CTNND2: variants seen among roughly 807,000 people sequenced by gnomAD.
The protein encoded by CTNND2 is catenin delta 2, also known as catenin delta-2.
Under a neutral mutation model 144.4 loss-of-function variants are expected in CTNND2, and 22 were observed. The ratio of observed to expected loss-of-function variants is 0.15; its 90% confidence interval spans 0.11 to 0.22. The LOEUF is 0.22. Among genes scored for constraint, CTNND2 ranks in the 10% least tolerant of loss-of-function variants. The pLI is 1.00. For synonymous variants in CTNND2, 751 were observed against 695.6 expected (o/e 1.08, Z -1.25); for missense variants, 1,353 against 1,618.8 (o/e 0.84, Z 2.82).
chr5:11,418,136 G>A (rs1208627869), intron 3 of CTNND2, among the ~76,000 whole-genome samples: 1 of 152,060 alleles, frequency 6.6e-6, no homozygotes, highest in African/African-American at 2.4e-5. Context: ...GCCGGGCGTG[G>A]TGGCTCACTC....
Position 11,406,845 on chromosome 5 carries a change from A to G in CTNND2, c.439+4691T>C, listed in dbSNP as rs555918858. On this transcript the variant is annotated intron_variant, in intron 5 of 21. Transcript: ENST00000304623. ...ATATGTACTTTTTTTTAACCATAAC[A>G]CTCAGAATATATTAGCTCTGAAGAT... is the stretch of plus-strand genomic sequence containing the variant. Among the ~76,000 whole-genome samples the G allele has an allele frequency of 7.2e-5, 11 of 152,142 alleles. No individual in the cohort carries two copies. In the South Asian group the frequency reaches 1.9e-3, roughly 26 times the overall value.
At position 11,384,904 on chromosome 5, in the gene CTNND2, G is replaced by A. The variant is rs780231998; in HGVS notation, c.938C>T (p.Thr313Ile). Reference protein sequence around the residue: ...SPSRLAKSYSTSSPINIVVSS... With the variant: ...SPSRLAKSYSISSPINIVVSS... ...CACGACGATGTTGATGGGCGAGCTG[G>A]TGCTGTAGGACTTGGCCAGGCGGCT... The change falls in exon 7 of 22, where the codon ACC (threonine) becomes ATC (isoleucine). Residue 313 changes from threonine (T) to isoleucine (I), a missense_variant. Transcript: ENST00000304623. This position sits in a 1 kb window ranked among gnomAD's most constrained non-coding sequence, Gnocchi z 5.2. The A allele has an allele frequency of 3.7e-6, 6 of 1,609,234 alleles. No individual in the cohort carries two copies. The highest frequency in any genetic ancestry group is 5.1e-6 in the Non-Finnish European group (6 of 1,178,658).
At chr5:11,736,681 A>T (rs1787700287) in intron 1 of CTNND2, among the ~76,000 whole-genome samples, 1 of 152,186 alleles carries the variant, frequency 6.6e-6, no homozygotes, top group Non-Finnish European at 1.5e-5. Context: ...TCTTAATCAC[A>T]GCTAATCTAC....
At chr5:11,200,679 T>A (rs919667462) in intron 10 of CTNND2, among the ~76,000 whole-genome samples, 3 of 152,132 alleles carry the variant, frequency 2.0e-5, no homozygotes, top group Admixed American at 2.0e-4. Flanking sequence ...CTTTCTTTTC[T>A]TTTTTCTTTT....
rs1422233722 is a variant in CTNND2, at chr5:11,879,706, C to T, written c.37+24111G>A. ...TTTACTAATAAAAACTATAGGTTCG[C>T]AAAGAGTAGCTCTCAAAATGAAAGT... On this transcript the variant is annotated intron_variant, in intron 1 of 21. Transcript: ENST00000304623. Among the ~76,000 whole-genome samples, 7 of 152,098 alleles carry T rather than the reference C, an allele frequency of 4.6e-5. No homozygotes were observed. The South Asian group carries it at 1.5e-3, about 32-fold the overall frequency.
intron 11 of CTNND2, among the ~76,000 whole-genome samples, chr5:11,192,027 C>T (rs566374285): frequency 2.6e-5 from 4 of 152,288 alleles, no homozygotes; most frequent in African/African-American, 4.8e-5. Flanking sequence ...GATAACAAGT[C>T]CCCCTTTCCA....
intron 1 of CTNND2, among the ~76,000 whole-genome samples, chr5:11,733,011 G>A (rs1787478874): frequency 6.6e-6 from 1 of 152,144 alleles, no homozygotes; most frequent in Non-Finnish European, 1.5e-5. Flanking sequence ...CCTGGAAAGT[G>A]GCACATCGGG....
At chr5:11,886,306 CT>C (rs1560969142) in intron 1 of CTNND2, among the ~76,000 whole-genome samples, 1 of 151,930 alleles carries the variant, frequency 6.6e-6, no homozygotes, top group African/African-American at 2.4e-5. Context: ...CCAAATAGTA[CT>C]TTGTTTATCT....
chr5:11,485,509 AT>A (rs1248011738), intron 3 of CTNND2, among the ~76,000 whole-genome samples: 1 of 152,266 alleles, frequency 6.6e-6, no homozygotes, highest in Non-Finnish European at 1.5e-5. Flanking sequence ...GAAAAAGAAA[AT>A]CAGCTATCAA....
chr5:11,374,256 A>G (rs1757712548), intron 7 of CTNND2, among the ~76,000 whole-genome samples: 1 of 152,214 alleles, frequency 6.6e-6, no homozygotes, highest in Non-Finnish European at 1.5e-5. Context: ...GGAGTGATTG[A>G]AATTTTGAAT....
intron 1 of CTNND2, among the ~76,000 whole-genome samples, chr5:11,772,567 A>G (rs745410434): frequency 6.6e-6 from 1 of 152,198 alleles, no homozygotes; most frequent in Non-Finnish European, 1.5e-5. Context: ...TTAATGGTGA[A>G]GAACTTTGAT....
intron 9 of CTNND2, among the ~76,000 whole-genome samples, chr5:11,266,865 A>G (rs934574047): frequency 1.3e-5 from 2 of 152,178 alleles, no homozygotes; most frequent in Non-Finnish European, 2.9e-5. Context: ...CCACAAATGC[A>G]AAGAGACGAC....
intron 3 of CTNND2, among the ~76,000 whole-genome samples, chr5:11,525,181 C>T (rs932468732): frequency 6.6e-6 from 1 of 152,118 alleles, no homozygotes; most frequent in African/African-American, 2.4e-5. Flanking sequence ...TGCAGCCAAA[C>T]ATCCATGCTT....
rs61755469 is a variant in CTNND2 at position 11,447,083 on chromosome 5, A to G, written c.288-35014T>C. Among the ~76,000 whole-genome samples the G allele has an allele frequency of 3.8e-3, 571 of 152,256 alleles. 7 individuals are homozygous for G. The highest frequency in any genetic ancestry group is 0.013 in the African/African-American group (547 of 41,542). ...AACAACAACAACAAAAGTCCCTTCT[A>G]TAAGACACCTTATCTGTCAGGCGGC... On this transcript the variant is annotated intron_variant, in intron 3 of 21. Transcript: ENST00000304623.
chr5:11,050,530 G>C (rs1010169597), intron 16 of CTNND2, among the ~76,000 whole-genome samples: 1 of 152,150 alleles, frequency 6.6e-6, no homozygotes, highest in African/African-American at 2.4e-5. Flanking sequence ...TTTGGAACCA[G>C]AGCTCTATTA....
chr5:11,342,353 G>A (rs16901523), intron 9 of CTNND2, among the ~76,000 whole-genome samples: 4,750 of 152,234 alleles, frequency 0.031, 267 homozygotes, highest in East Asian at 0.16. Context: ...GGTTTGAAAC[G>A]GAACAAATCC....
intron 16 of CTNND2, among the ~76,000 whole-genome samples, chr5:11,071,205 A>ACTTGGGGGCCT (rs1748238531): frequency 1.3e-5 from 2 of 152,210 alleles, no homozygotes; most frequent in African/African-American, 2.4e-5. Flanking sequence ...ACTAAGAAGC[A>ACTTGGGGGCCT]CAAAGGCTCT....
At chr5:11,478,970 A>G (rs181328736) in intron 3 of CTNND2, among the ~76,000 whole-genome samples, 4 of 152,334 alleles carry the variant, frequency 2.6e-5, no homozygotes, top group Admixed American at 1.3e-4. Context: ...GTTCTATTAT[A>G]TTAAACACCA....
At chr5:10,996,507 C>T (rs982047002) in intron 18 of CTNND2, among the ~76,000 whole-genome samples, 5 of 151,718 alleles carry the variant, frequency 3.3e-5, no homozygotes, top group Admixed American at 2.6e-4. Flanking sequence ...AAACAGCCCT[C>T]GAGGAGGGGG....
Sources: gnomAD v4.1 joint callset for allele counts (sites outside exome capture counted in the v4.1 genomes callset) on GRCh38, gnomAD v4.1.1 for gene constraint, Gnocchi (gnomAD v3.1) non-coding constraint, MANE v1.5 for transcripts, NCBI Gene and HGNC (gene_info 2026-07-23, HGNC 2026-07-21) for gene names.